Variants in TPD52 observed in about 807,000 individuals in gnomAD.
The protein encoded by TPD52 is prostate and colon associated protein.
In TPD52, 17 loss-of-function variants were observed where a neutral mutation model predicts 31.3. The ratio of observed to expected loss-of-function variants is 0.54; its 90% CI spans 0.37 to 0.82. The LOEUF (loss-of-function observed/expected upper bound fraction) is 0.82, where lower values mean the gene tolerates loss of function less well. Among genes scored for constraint, TPD52 ranks in the 40% least tolerant of loss-of-function variants. TPD52 has a pLI of 0.00. For missense variants in TPD52, 212 were observed against 240.1 expected (o/e 0.88, Z 0.77); for synonymous variants, 83 against 89.6 (o/e 0.93, Z 0.42).
intron 1 of TPD52, among the ~76,000 whole-genome samples, chr8:80,140,444 C>T (rs1445688614): frequency 2.0e-5 from 3 of 152,200 alleles, no homozygotes; most frequent in Non-Finnish European, 4.4e-5. Context: ...TTTCCAGGAA[C>T]ATTAACTCTT....
intron 1 of TPD52, among the ~76,000 whole-genome samples, chr8:80,153,204 AAAATACG>A (rs1810704328): frequency 6.6e-6 from 1 of 152,224 alleles, no homozygotes; most frequent in African/African-American, 2.4e-5. Flanking sequence ...CAAGTGCAGG[AAAATACG>A]AACTACATTA....
intron 1 of TPD52, among the ~76,000 whole-genome samples, chr8:80,119,551 A>C (rs1456219294): frequency 6.6e-6 from 1 of 152,188 alleles, no homozygotes; most frequent in African/African-American, 2.4e-5. Flanking sequence ...AAAGTCAAGA[A>C]ATTTAACAGT....
chr8:80,058,911 T>C (rs1481780457), intron 2 of TPD52, among the ~76,000 whole-genome samples: 1 of 152,208 alleles, frequency 6.6e-6, no homozygotes, highest in African/African-American at 2.4e-5. Flanking sequence ...AAATGAGTAG[T>C]ACAAACAGAC....
chr8:80,106,720 G>A (rs1290069844), intron 1 of TPD52, among the ~76,000 whole-genome samples: 2 of 150,372 alleles, frequency 1.3e-5, no homozygotes, highest in African/African-American at 2.5e-5. Context: ...ATGTGGATAG[G>A]ACATGAGGAA....
intron 1 of TPD52, among the ~76,000 whole-genome samples, chr8:80,139,882 G>GTCACCCA (rs1211209121): frequency 6.6e-6 from 1 of 152,106 alleles, no homozygotes; most frequent in Non-Finnish European, 1.5e-5. Context: ...CTGACTCCCA[G>GTCACCCA]TCACCCAGCT....
downstream of TPD52, among the ~76,000 whole-genome samples, chr8:80,034,411 G>A (rs1809777671): frequency 6.6e-6 from 1 of 152,124 alleles, no homozygotes; most frequent in Admixed American, 6.5e-5. Flanking sequence ...CTTCTGCAGA[G>A]CCTGCAACCC....
chr8:80,170,700 T>C (rs1812020691), intron 1 of TPD52, among the ~76,000 whole-genome samples: 1 of 152,180 alleles, frequency 6.6e-6, no homozygotes, highest in Non-Finnish European at 1.5e-5. Context: ...ATCTCTAGGA[T>C]GAAACTATTT....
intron 1 of TPD52, among the ~76,000 whole-genome samples, chr8:80,086,117 GTTTTT>G (rs1366202183): frequency 1.1e-5 from 1 of 88,870 alleles, no homozygotes. Context: ...TTTTTTTTTA[GTTTTT>G]TTTTTTTTTT....
chr8:80,143,083 C>T (rs1395983455), intron 1 of TPD52, among the ~76,000 whole-genome samples: 1 of 152,184 alleles, frequency 6.6e-6, no homozygotes, highest in Admixed American at 6.5e-5. Context: ...CACTATGAAC[C>T]ATATGAACTA....
intron 1 of TPD52, among the ~76,000 whole-genome samples, chr8:80,136,714 A>G (rs1290739801): frequency 2.0e-5 from 3 of 152,114 alleles, no homozygotes; most frequent in African/African-American, 7.2e-5. Flanking sequence ...TGAACACTCA[A>G]CAGCTCCTAA....
At chr8:80,160,889 CAAAAAAAAAAAA>C (rs58923055) in intron 1 of TPD52, among the ~76,000 whole-genome samples, 7 of 95,040 alleles carry the variant, frequency 7.4e-5, no homozygotes, top group Middle Eastern at 6.5e-3. Flanking sequence ...ACTAAAAATA[CAAAAAAAAAAAA>C]AAAAAAAAAA....
At chr8:80,067,732 T>C (rs1813315485) in intron 1 of TPD52, among the ~76,000 whole-genome samples, 1 of 151,872 alleles carries the variant, frequency 6.6e-6, no homozygotes, top group Non-Finnish European at 1.5e-5. Flanking sequence ...AGGCTGATGG[T>C]CAGACCTGAA....
chr8:80,148,926 T>C (rs1810385735), intron 1 of TPD52, among the ~76,000 whole-genome samples: 1 of 152,222 alleles, frequency 6.6e-6, no homozygotes, highest in Non-Finnish European at 1.5e-5. Flanking sequence ...CACTTCCCAC[T>C]ATTCAGCCTA....
chr8:80,146,665 G>A (rs73269669), intron 1 of TPD52, among the ~76,000 whole-genome samples: 1,993 of 152,192 alleles, frequency 0.013, 39 homozygotes, highest in African/African-American at 0.045. Context: ...GTTCAATGCA[G>A]GATTTATTTA....
chr8:80,086,809 GA>G (rs1815817094), intron 1 of TPD52, among the ~76,000 whole-genome samples: 1 of 136,132 alleles, frequency 7.3e-6, no homozygotes, highest in East Asian at 2.4e-4. Flanking sequence ...GGGAAGCGGA[GA>G]TTGCAGTGAG....
At chr8:80,061,783 T>C (rs886898962) in intron 2 of TPD52, among the ~76,000 whole-genome samples, 2 of 152,038 alleles carry the variant, frequency 1.3e-5, no homozygotes, top group African/African-American at 2.4e-5. Flanking sequence ...ATAATAGCAA[T>C]AAACCACCTG....
chr8:80,056,501 T>G (rs1422393147), intron 2 of TPD52, among the ~76,000 whole-genome samples: 2 of 151,962 alleles, frequency 1.3e-5, no homozygotes, highest in Non-Finnish European at 2.9e-5. Flanking sequence ...TAAAGAAACT[T>G]ACAACTCAAT....
chr8:80,074,874 A>C (rs1814338256), intron 1 of TPD52, among the ~76,000 whole-genome samples: 1 of 152,246 alleles, frequency 6.6e-6, no homozygotes. Context: ...GGGTAATTGT[A>C]GTCAAGGTAG....
intron 1 of TPD52, among the ~76,000 whole-genome samples, chr8:80,131,844 G>T (rs1809039460): frequency 6.6e-6 from 1 of 152,076 alleles, no homozygotes; most frequent in South Asian, 2.1e-4. Flanking sequence ...TTGGTTTGGA[G>T]ACAGATTTTC....
Sources: gnomAD v4.1 joint callset for allele counts (sites outside exome capture counted in the v4.1 genomes callset) on GRCh38, gnomAD v4.1.1 for gene constraint, MANE v1.5 for transcripts, NCBI Gene and HGNC (gene_info 2026-07-23, HGNC 2026-07-21) for gene names.